ART3: variants seen among roughly 807,000 people sequenced by gnomAD.
ART3 encodes ecto-ADP-ribosyltransferase 3.
Under a neutral mutation model 48.5 loss-of-function variants are expected in ART3, and 49 were observed. That is an observed-to-expected ratio of 1.01 (90% CI 0.80 to 1.28). The LOEUF is 1.28. Among genes scored for constraint, ART3 ranks in the 50% most tolerant of loss-of-function variants. The pLI is 0.00. For synonymous variants in ART3, 145 were observed against 157.2 expected, an observed-to-expected ratio of 0.92 and a Z score of 0.58; for missense variants, 438 against 454.3, an observed-to-expected ratio of 0.96 and a Z score of 0.33.
intron 3 of ART3, among the ~76,000 whole-genome samples, chr4:76,085,626 AAGAT>A (rs1249933079): frequency 3.9e-5 from 6 of 152,178 alleles, no homozygotes; most frequent in Non-Finnish European, 8.8e-5. Flanking sequence ...TGTTTATAAA[AAGAT>A]AGGGGAAAAA....
At chr4:76,078,153 T>C (rs1721551577) in intron 2 of ART3, among the ~76,000 whole-genome samples, 1 of 152,146 alleles carries the variant, frequency 6.6e-6, no homozygotes, top group African/African-American at 2.4e-5. Context: ...TGTTTTTTAG[T>C]ATCTGTTCAG....
At chr4:76,040,462 A>G (rs1465101155) in intron 1 of ART3, among the ~76,000 whole-genome samples, 1 of 151,410 alleles carries the variant, frequency 6.6e-6, no homozygotes, top group Non-Finnish European at 1.5e-5. Flanking sequence ...ACACACACAC[A>G]CACACACACA....
At chr4:76,043,603 C>A (rs2149433535) in intron 1 of ART3, among the ~76,000 whole-genome samples, 1 of 152,254 alleles carries the variant, frequency 6.6e-6, no homozygotes. Flanking sequence ...CAAGCCCACG[C>A]CCACCCAGAA....
intron 10 of ART3, 99 bp downstream of exon 10, chr4:76,104,728 T>G (rs1253155607): frequency 1.4e-6 from 2 of 1,409,916 alleles, no homozygotes; most frequent in East Asian, 5.0e-5. Flanking sequence ...ATAATTGTCA[T>G]CTATCAAATG....
intron 3 of ART3, among the ~76,000 whole-genome samples, chr4:76,095,544 C>A (rs1725816580): frequency 6.6e-6 from 1 of 152,108 alleles, no homozygotes; most frequent in East Asian, 1.9e-4. Context: ...GATACCCATT[C>A]TTTTCTATTC....
chr4:76,078,132 C>A (rs970591107), intron 2 of ART3, among the ~76,000 whole-genome samples: 1 of 151,196 alleles, frequency 6.6e-6, no homozygotes, highest in Non-Finnish European at 1.5e-5. Context: ...GTTCACCTAG[C>A]CTTTTGTACC....
chr4:76,067,287 G>A (rs1164136946), intron 1 of ART3, among the ~76,000 whole-genome samples: 1 of 152,226 alleles, frequency 6.6e-6, no homozygotes, highest in African/African-American at 2.4e-5. Flanking sequence ...GAAGGTAACT[G>A]GGGTACAAAC....
chr4:76,076,067 C>T (rs569316520), intron 2 of ART3, 109 bp downstream of exon 2: 23 of 933,110 alleles, frequency 2.5e-5, no homozygotes, highest in South Asian at 2.4e-4. Context: ...TGCAGTGGCT[C>T]GATTTCGGCT....
chr4:76,023,533 A>G, intron 1 of ART3: 1 of 1,052,638 alleles, frequency 9.5e-7, no homozygotes, highest in Non-Finnish European at 1.5e-6. Context: ...ATTTATCTGC[A>G]AAGCCATTTT....
At chr4:76,011,850 CCACAT>C (rs1478665871) in intron 1 of ART3, among the ~76,000 whole-genome samples, 1 of 152,166 alleles carries the variant, frequency 6.6e-6, no homozygotes, top group South Asian at 2.1e-4. Flanking sequence ...CTGAGAGCAA[CCACAT>C]TCTCTCAGGA....
chr4:76,107,101 A>G (rs1728623701), intron 10 of ART3: 1 of 152,192 alleles, frequency 6.6e-6, no homozygotes, highest in Non-Finnish European at 1.5e-5. Flanking sequence ...GGCTCATGTA[A>G]GTGTTCTGAG....
intron 1 of ART3, among the ~76,000 whole-genome samples, chr4:76,047,446 A>AC (rs757063867): frequency 1.3e-5 from 2 of 151,638 alleles, no homozygotes; most frequent in Non-Finnish European, 2.9e-5. Context: ...TAATAAACTT[A>AC]CCCCCGAGTG....
chr4:76,100,447 A>G, intron 6 of ART3, 127 bp downstream of exon 6: 1 of 946,068 alleles, frequency 1.1e-6, no homozygotes, highest in East Asian at 2.6e-5. Context: ...CCTGGCCAAC[A>G]TAGTAAAACC....
chr4:76,023,276 G>A (rs539264732), intron 1 of ART3: 35 of 983,028 alleles, frequency 3.6e-5, no homozygotes, highest in Non-Finnish European at 2.1e-5. Flanking sequence ...AGCATGCAGT[G>A]AAACTTTTAC....
At chr4:76,060,770 T>C (rs1375892365) in intron 1 of ART3, among the ~76,000 whole-genome samples, 2 of 152,202 alleles carry the variant, frequency 1.3e-5, no homozygotes, top group Non-Finnish European at 2.9e-5. Flanking sequence ...CTTGCTGTTA[T>C]TGGCTTTGAA....
chr4:76,036,293 A>G (rs1734398456), intron 1 of ART3: 2 of 351,634 alleles, frequency 5.7e-6, no homozygotes, highest in Admixed American at 9.4e-5. Flanking sequence ...AGCCTTCTTA[A>G]GGTAGCTTTT....
intron 1 of ART3, among the ~76,000 whole-genome samples, chr4:76,011,580 G>T (rs972852954): frequency 6.6e-6 from 1 of 152,248 alleles, no homozygotes; most frequent in Non-Finnish European, 1.5e-5. Context: ...AGGCCCTTCG[G>T]ATAAGAGAAA....
intron 1 of ART3, among the ~76,000 whole-genome samples, chr4:76,042,875 C>T (rs943068001): frequency 1.4e-4 from 22 of 151,880 alleles, no homozygotes; most frequent in African/African-American, 3.4e-4. Flanking sequence ...TGCTTTTATT[C>T]TCTTATCTGG....
chr4:76,066,164 A>AT (rs886764669), intron 1 of ART3, among the ~76,000 whole-genome samples: 11 of 152,138 alleles, frequency 7.2e-5, no homozygotes, highest in East Asian at 1.9e-4. Flanking sequence ...AGCAGCAGAG[A>AT]TTTTTTCTTT....
Sources: gnomAD v4.1 joint callset for allele counts (sites outside exome capture counted in the v4.1 genomes callset) on GRCh38, gnomAD v4.1.1 for gene constraint, MANE v1.5 for transcripts, NCBI Gene and HGNC (gene_info 2026-07-23, HGNC 2026-07-21) for gene names.